ATG7: variants seen among roughly 807,000 people sequenced by gnomAD.
ATG7 encodes ubiquitin-like modifier-activating enzyme ATG7.
In ATG7, 70 loss-of-function variants were observed where a neutral mutation model predicts 82.4. The ratio of observed to expected loss-of-function variants is 0.85; its 90% CI spans 0.70 to 1.04. ATG7 has a LOEUF of 1.04. Among genes scored for constraint, ATG7 ranks in the 50% least tolerant of loss-of-function variants. The pLI, the probability that ATG7 is intolerant of heterozygous loss-of-function variation, is 0.00. For missense variants in ATG7, 792 were observed against 864.3 expected (o/e 0.92, Z 1.05); for synonymous variants, 287 against 313.0 (o/e 0.92, Z 0.88).
chr3:11,417,805 A>ATTTT lies in ATG7; in HGVS notation c.1957-8998_1957-8995dup, dbSNP rs200364263. Among the ~76,000 whole-genome samples, 341 of 52,628 alleles carry ATTTT rather than the reference A, an allele frequency of 6.5e-3. 14 individuals carry two copies. The South Asian group carries it at 0.066, about 10-fold the overall frequency. The allele number at this position is 52,628 out of a possible 152,430, so 34.5% of individuals were successfully genotyped here. On this transcript the variant is annotated intron_variant, in intron 19 of 20. Transcript: ENST00000693202. Reference sequence around the variant, plus strand: ...AAAAAATTATTATTATTATTATTTTATTTTATTTTATTTTTTTTTTTTTTG... The same window carrying ATTTT: ...AAAAAATTATTATTATTATTATTTTATTTTTTTTATTTTATTTTTTTTTTTTTTG...
intron 18 of ATG7, among the ~76,000 whole-genome samples, chr3:11,373,820 A>G (rs2077201974): frequency 6.6e-6 from 1 of 152,178 alleles, no homozygotes; most frequent in South Asian, 2.1e-4. Context: ...AATTTTATGC[A>G]GTTCTTATAA....
chr3:11,394,319 G>A (rs2079043415), intron 19 of ATG7, among the ~76,000 whole-genome samples: 1 of 152,192 alleles, frequency 6.6e-6, no homozygotes, highest in Admixed American at 6.5e-5. Context: ...TGATAGGACA[G>A]GTGATTTAAA....
intron 20 of ATG7, among the ~76,000 whole-genome samples, chr3:11,467,501 C>T (rs149819403): frequency 0.039 from 5,919 of 152,246 alleles, 149 homozygotes; most frequent in Middle Eastern, 0.088. Flanking sequence ...CTCAGCCTCC[C>T]GAGTAGCTGG....
intron 14 of ATG7, among the ~76,000 whole-genome samples, chr3:11,348,908 G>A (rs1482002360): frequency 6.6e-6 from 1 of 151,894 alleles, no homozygotes; most frequent in Admixed American, 6.6e-5. Flanking sequence ...GACATAGAGC[G>A]CTGATTGGTA....
intron 20 of ATG7, among the ~76,000 whole-genome samples, chr3:11,457,183 A>T (rs1185279195): frequency 6.6e-6 from 1 of 152,196 alleles, no homozygotes; most frequent in African/African-American, 2.4e-5. Flanking sequence ...TGCCAGGTTT[A>T]TAAAATGGAG....
At chr3:11,569,209 A>C in the ATG7 span, among the ~76,000 whole-genome samples, 2 of 152,210 alleles carry the variant, frequency 1.3e-5, no homozygotes, top group African/African-American at 4.8e-5. Flanking sequence ...CTTAGCCCTT[A>C]GCCCCATCAC....
intron 19 of ATG7, among the ~76,000 whole-genome samples, chr3:11,384,111 A>G (rs985926909): frequency 6.6e-6 from 1 of 152,230 alleles, no homozygotes; most frequent in Non-Finnish European, 1.5e-5. Context: ...AGGCAGCTTC[A>G]GGTGTTCTTT....
intron 20 of ATG7, chr3:11,510,053 G>A (rs2091967529): frequency 2.9e-6 from 1 of 339,014 alleles, no homozygotes; most frequent in South Asian, 2.2e-5. Flanking sequence ...CCAAGACTAG[G>A]GAGATCCTTT....
intron 19 of ATG7, among the ~76,000 whole-genome samples, chr3:11,387,225 T>G (rs1222759127): frequency 6.6e-6 from 1 of 152,252 alleles, no homozygotes; most frequent in Admixed American, 6.5e-5. Context: ...AGGCCAAGGC[T>G]GCCCTGGCTT....
chr3:11,300,996 T>G (rs1230513379), intron 5 of ATG7, among the ~76,000 whole-genome samples: 1 of 152,180 alleles, frequency 6.6e-6, no homozygotes, highest in Non-Finnish European at 1.5e-5. Flanking sequence ...TTGAGGAGCA[T>G]CTGTATAGTA....
intron 20 of ATG7, among the ~76,000 whole-genome samples, chr3:11,497,506 A>G (rs2090946557): frequency 7.3e-6 from 1 of 137,820 alleles, no homozygotes; most frequent in African/African-American, 2.8e-5. Flanking sequence ...ACTGCACTCC[A>G]GCCTGGGTGA....
At chr3:11,291,057 T>C (rs1944910744) in intron 3 of ATG7, among the ~76,000 whole-genome samples, 2 of 152,218 alleles carry the variant, frequency 1.3e-5, no homozygotes, top group African/African-American at 4.8e-5. Flanking sequence ...TAGAGTTTTC[T>C]TTTTTGTCTT....
At chr3:11,273,057 G>A (rs1405767893) in intron 1 of ATG7, among the ~76,000 whole-genome samples, 1 of 152,246 alleles carries the variant, frequency 6.6e-6, no homozygotes, top group Non-Finnish European at 1.5e-5. Context: ...TGTTGGAGAA[G>A]TACAAGCCAA....
intron 18 of ATG7, among the ~76,000 whole-genome samples, chr3:11,368,084 G>A (rs1479917488): frequency 6.6e-6 from 1 of 151,962 alleles, no homozygotes; most frequent in Admixed American, 6.6e-5. Flanking sequence ...CACCATGGGA[G>A]ATGTTTGTCT....
chr3:11,520,923 G>T (rs985500786), intron 20 of ATG7, among the ~76,000 whole-genome samples: 3 of 152,176 alleles, frequency 2.0e-5, no homozygotes, highest in Admixed American at 1.3e-4. Context: ...CCAACATTCT[G>T]CAAACAAGTG....
At chr3:11,554,105 C>T (rs759102087) in intron 20 of ATG7, among the ~76,000 whole-genome samples, 25 of 152,170 alleles carry the variant, frequency 1.6e-4, no homozygotes, top group African/African-American at 2.4e-4. Context: ...ATGGGGGTGT[C>T]GGCCAGGGTG....
At chr3:11,485,100 G>A (rs530669950) in intron 20 of ATG7, among the ~76,000 whole-genome samples, 1,715 of 152,212 alleles carry the variant, frequency 0.011, 32 homozygotes, top group African/African-American at 0.039. Flanking sequence ...CTAGTTCTAG[G>A]TCCCTGAGGA....
At chr3:11,565,642 G>A in the ATG7 span, among the ~76,000 whole-genome samples, 10 of 152,280 alleles carry the variant, frequency 6.6e-5, no homozygotes, top group African/African-American at 2.2e-4. The surrounding 1 kb of genome is among the most constrained non-coding windows in gnomAD (Gnocchi z 4.1). Context: ...GTAGGGAGCC[G>A]GCGCGCAGCT....
chr3:11,363,210 T>A, intron 17 of ATG7: 1 of 233,858 alleles, frequency 4.3e-6, no homozygotes, highest in Non-Finnish European at 8.3e-6. Flanking sequence ...GGCACTGTTC[T>A]AAGCACCTTA....
Sources: allele counts gnomAD v4.1 joint callset (sites outside exome capture counted in the v4.1 genomes callset), GRCh38; gene constraint gnomAD v4.1.1; non-coding constraint Gnocchi (gnomAD v3.1); transcripts MANE v1.5; gene names NCBI Gene and HGNC (gene_info 2026-07-23, HGNC 2026-07-21).